The following ABCC4 variants were observed in gnomAD, a reference collection of about 807,000 sequenced individuals.
ABCC4 encodes the protein ATP binding cassette subfamily C member 4 (PEL blood group), also known as ATP-binding cassette sub-family C member 4.
A neutral mutation model predicts 168.5 loss-of-function variants in ABCC4; 102 were observed. That is an observed-to-expected ratio of 0.61 (90% CI 0.52 to 0.71). ABCC4 has a LOEUF of 0.71. Ranked by LOEUF, ABCC4 falls within the 30% of genes least tolerant of loss-of-function variation. ABCC4 has a pLI of 0.00. For synonymous variants in ABCC4, 617 were observed against 590.7 expected, an observed-to-expected ratio of 1.04 and a Z score of -0.65; for missense variants, 1,402 against 1,605.8, an observed-to-expected ratio of 0.87 and a Z score of 2.17.
At chr13:95,185,937 C>CA (rs745749436) in intron 11 of ABCC4, among the ~76,000 whole-genome samples, 6 of 151,768 alleles carry the variant, frequency 4.0e-5, no homozygotes, top group Non-Finnish European at 5.9e-5. Context: ...TCCATGTAAC[C>CA]AAAAACCACC....
At chr13:95,289,154 C>T (rs908640514) in intron 1 of ABCC4, among the ~76,000 whole-genome samples, 2 of 152,174 alleles carry the variant, frequency 1.3e-5, no homozygotes, top group South Asian at 2.1e-4. Context: ...TTAAAAGAAG[C>T]GGTCAGTTGG....
chr13:95,024,912 G>A (rs778474264), intron 30 of ABCC4, among the ~76,000 whole-genome samples: 12 of 151,936 alleles, frequency 7.9e-5, no homozygotes, highest in Non-Finnish European at 1.6e-4. Flanking sequence ...TATCATGAAG[G>A]GCTGCCATAT....
Position 95,207,995 on chromosome 13 carries a change from G to C in ABCC4, c.786-70C>G. On this transcript the variant is annotated intron_variant, in intron 6 of 30. Coordinates refer to ENST00000645237, the MANE Select transcript of ABCC4 (RefSeq NM_005845.5). ...CTGCCCTTATCAGCGGCAGGCACAG[G>C]CAGGGACCTGCATCACATGGTTCCC... The C allele has an allele frequency of 2.6e-6, 4 of 1,545,830 alleles. No homozygotes were observed. The South Asian group carries it at 3.7e-5, about 14-fold the overall frequency.
chr13:95,280,535 G>A (rs1447363243), intron 1 of ABCC4, among the ~76,000 whole-genome samples: 2 of 145,354 alleles, frequency 1.4e-5, no homozygotes, highest in East Asian at 4.0e-4. Context: ...GATATAGTCA[G>A]TCACTAGTAG....
intron 4 of ABCC4, among the ~76,000 whole-genome samples, chr13:95,232,116 C>CTAA (rs1160093308): frequency 2.3e-5 from 2 of 88,108 alleles, no homozygotes; most frequent in Non-Finnish European, 5.2e-5. Flanking sequence ...GATGCTGCTG[C>CTAA]TGCTGATGAT....
At chr13:95,283,232 G>T (rs1352411265) in intron 1 of ABCC4, among the ~76,000 whole-genome samples, 2 of 148,040 alleles carry the variant, frequency 1.4e-5, no homozygotes, top group Non-Finnish European at 3.0e-5. Flanking sequence ...AAAAAAAAAA[G>T]TTTAAAAACT....
rs2041681050 is a variant in ABCC4, at chr13:95,301,433, C to G, written c.-119G>C. ...GCTCCGGCCGCCACGCCTGTCCGCT[C>G]GGCTGGAGCCTGTGAAGCAGCCGCT... On this transcript the variant is annotated 5_prime_UTR_variant, in exon 1 of 31. Transcript: ENST00000645237. 3.7e-6 allele frequency: 3 copies of G among 808,776 alleles called. No individual in the cohort carries two copies. Among genetic ancestry groups the G allele is most frequent in the Non-Finnish European group, 5.2e-6 (3 of 575,118 alleles). 50.1% of individuals were successfully genotyped at this position (808,776 alleles called of 1,614,324 possible). A position where few individuals can be genotyped will look rare whatever the true frequency, so the allele number is the denominator to read the frequency against.
intron 27 of ABCC4, among the ~76,000 whole-genome samples, chr13:95,045,435 T>G (rs1048582945): frequency 6.6e-6 from 1 of 152,208 alleles, no homozygotes; most frequent in Non-Finnish European, 1.5e-5. Flanking sequence ...ATTCTTGGGC[T>G]GGTCCTTTCC....
At chr13:95,025,478 A>ACCCATACACCCATACACC (rs1468518271) in intron 30 of ABCC4, among the ~76,000 whole-genome samples, 1 of 24,360 alleles carries the variant, frequency 4.1e-5, no homozygotes, top group African/African-American at 1.8e-4. Flanking sequence ...ACACCCATAC[A>ACCCATACACCCATACACC]CATACACACT....
chr13:95,200,147 T>C (rs1363500063), intron 8 of ABCC4, among the ~76,000 whole-genome samples: 2 of 152,216 alleles, frequency 1.3e-5, no homozygotes, highest in African/African-American at 4.8e-5. Flanking sequence ...CTTACCATTG[T>C]ATCTAAGCAT....
intron 21 of ABCC4, among the ~76,000 whole-genome samples, chr13:95,078,448 T>G (rs1751048): frequency 0.84 from 128,249 of 151,790 alleles, 55,878 homozygotes; most frequent in Non-Finnish European, 0.95. Context: ...AACAAAAAGA[T>G]GACTCTTCAA....
chr13:95,118,532 T>C (rs2035456408), intron 19 of ABCC4, among the ~76,000 whole-genome samples: 1 of 152,130 alleles, frequency 6.6e-6, no homozygotes, highest in African/African-American at 2.4e-5. Context: ...GTGTGAGCCA[T>C]AGCACCCGGC....
chr13:95,135,155 T>C (rs1053856053), intron 19 of ABCC4, among the ~76,000 whole-genome samples: 2 of 152,212 alleles, frequency 1.3e-5, no homozygotes, highest in African/African-American at 4.8e-5. Context: ...TCACAATTCA[T>C]TCACTATTTC....
At chr13:95,080,692 C>T (rs1321273027) in intron 21 of ABCC4, among the ~76,000 whole-genome samples, 2 of 152,166 alleles carry the variant, frequency 1.3e-5, no homozygotes, top group African/African-American at 2.4e-5. Context: ...AGGCTGGTCT[C>T]GAACTCTCGA....
At chr13:95,022,837 TTC>T (rs2031170701) in intron 30 of ABCC4, among the ~76,000 whole-genome samples, 1 of 152,240 alleles carries the variant, frequency 6.6e-6, no homozygotes, top group Non-Finnish European at 1.5e-5. Flanking sequence ...TACTTTCTTT[TTC>T]TCTCACTTCT....
chr13:95,182,153 C>T (rs2037918759), intron 11 of ABCC4, among the ~76,000 whole-genome samples: 1 of 151,968 alleles, frequency 6.6e-6, no homozygotes. Context: ...GAGAGATTAA[C>T]AACAACAACA....
At chr13:95,162,701 A>G (rs1351013149) in intron 18 of ABCC4, among the ~76,000 whole-genome samples, 1 of 152,230 alleles carries the variant, frequency 6.6e-6, no homozygotes, top group East Asian at 1.9e-4. Context: ...TTGCTGCCAG[A>G]GGATTTCATC....
intron 27 of ABCC4, 120 bp downstream of exon 27, chr13:95,052,975 T>C (rs2032902154): frequency 1.2e-6 from 1 of 800,340 alleles, no homozygotes; most frequent in East Asian, 2.6e-5. Context: ...AATGATCTCC[T>C]GGGTGGTGAA....
intron 29 of ABCC4, among the ~76,000 whole-genome samples, chr13:95,037,617 G>T (rs779706423): frequency 2.6e-5 from 4 of 152,088 alleles, no homozygotes; most frequent in Non-Finnish European, 5.9e-5. Flanking sequence ...AGTTCCCAGA[G>T]GTACATTATT....
Sources: gnomAD v4.1 joint callset for allele counts (sites outside exome capture counted in the v4.1 genomes callset) on GRCh38, gnomAD v4.1.1 for gene constraint, MANE v1.5 for transcripts, NCBI Gene and HGNC (gene_info 2026-07-23, HGNC 2026-07-21) for gene names.